DAB1: variants seen among roughly 807,000 people sequenced by gnomAD.
DAB1 encodes disabled homolog 1.
In DAB1, 15 loss-of-function variants were observed where a neutral mutation model predicts 64.6. The ratio of observed to expected loss-of-function variants is 0.23; its 90% CI spans 0.16 to 0.36. The LOEUF is 0.36. Among genes scored for constraint, DAB1 ranks in the 10% least tolerant of loss-of-function variants. The pLI is 1.00. For missense variants in DAB1, 596 were observed against 706.7 expected (o/e 0.84, Z 1.78); for synonymous variants, 235 against 251.9 (o/e 0.93, Z 0.64).
intron 1 of DAB1, among the ~76,000 whole-genome samples, chr1:57,351,836 C>T (rs911616311): frequency 6.6e-6 from 1 of 152,008 alleles, no homozygotes; most frequent in African/African-American, 2.4e-5. Context: ...ATAAAACACC[C>T]ACACATGTTT....
At chr1:57,156,737 A>G (rs1356444847) in intron 2 of DAB1, among the ~76,000 whole-genome samples, 1 of 152,244 alleles carries the variant, frequency 6.6e-6, no homozygotes, top group Non-Finnish European at 1.5e-5. Context: ...GCTTTATGCC[A>G]TTAGAGAAGA....
chr1:57,553,880 A>G (rs1644956619), intron 7 of DAB1, among the ~76,000 whole-genome samples: 1 of 151,986 alleles, frequency 6.6e-6, no homozygotes, highest in South Asian at 2.1e-4. Context: ...CCAGATGACA[A>G]GGTGTGAAGT....
At chr1:58,037,324 C>T (rs889516709) in intron 5 of DAB1, among the ~76,000 whole-genome samples, 1 of 152,048 alleles carries the variant, frequency 6.6e-6, no homozygotes, top group Non-Finnish European at 1.5e-5. Context: ...AGCTCTGAGG[C>T]GGGGTCTATG....
At chr1:57,712,934 C>A (rs1429820412) in intron 6 of DAB1, among the ~76,000 whole-genome samples, 2 of 152,130 alleles carry the variant, frequency 1.3e-5, no homozygotes, top group African/African-American at 4.8e-5. Context: ...TTGGTTATAT[C>A]AGGCATTCAT....
chr1:57,970,076 C>A (rs1028576453), intron 5 of DAB1, among the ~76,000 whole-genome samples: 3 of 152,110 alleles, frequency 2.0e-5, no homozygotes, highest in African/African-American at 4.8e-5. Context: ...AGAGAGAAGG[C>A]ACCGTCTATG....
intron 3 of DAB1, among the ~76,000 whole-genome samples, chr1:58,484,255 A>G (rs1467446459): frequency 1.3e-5 from 2 of 152,208 alleles, no homozygotes; most frequent in Non-Finnish European, 2.9e-5. Flanking sequence ...GCTTTTATAA[A>G]TTACCCTGCT....
intron 2 of DAB1, among the ~76,000 whole-genome samples, chr1:57,171,512 T>C (rs1405371233): frequency 1.3e-5 from 1 of 74,506 alleles, no homozygotes; most frequent in Admixed American, 1.2e-4. Context: ...TAAATAATGT[T>C]GTTTCAAAAT....
intron 4 of DAB1, among the ~76,000 whole-genome samples, chr1:57,124,320 G>T (rs1195172984): frequency 6.6e-6 from 1 of 152,138 alleles, no homozygotes. Flanking sequence ...ATATGAAAGA[G>T]TATGCGTGTC....
At chr1:58,509,410 AG>A (rs1646037781) in intron 2 of DAB1, among the ~76,000 whole-genome samples, 1 of 152,022 alleles carries the variant, frequency 6.6e-6, no homozygotes, top group East Asian at 1.9e-4. Flanking sequence ...CTATGGGTCA[AG>A]GAAAAAAAAA....
chr1:57,983,402 A>G (rs917851620), intron 5 of DAB1, among the ~76,000 whole-genome samples: 1 of 152,180 alleles, frequency 6.6e-6, no homozygotes, highest in Non-Finnish European at 1.5e-5. Context: ...AATCTGGCCA[A>G]CATTTTCTGG....
At chr1:57,085,958 C>G (rs1403860702) in intron 4 of DAB1, among the ~76,000 whole-genome samples, 1 of 152,118 alleles carries the variant, frequency 6.6e-6, no homozygotes, top group African/African-American at 2.4e-5. Context: ...TCAAGATGTT[C>G]TATCCAGAAG....
At chr1:57,789,454 T>TG (rs1650490690) in intron 6 of DAB1, among the ~76,000 whole-genome samples, 1 of 152,194 alleles carries the variant, frequency 6.6e-6, no homozygotes, top group African/African-American at 2.4e-5. Flanking sequence ...CCCACAGTTG[T>TG]GGAGGCTAGA....
chr1:58,379,793 T>C (rs2100546097), intron 3 of DAB1, among the ~76,000 whole-genome samples: 1 of 152,286 alleles, frequency 6.6e-6, no homozygotes, highest in South Asian at 2.1e-4. Flanking sequence ...AAACACGGTA[T>C]ATGGAAGTTA....
At chr1:58,294,050 C>T (rs1457363575) in intron 4 of DAB1, among the ~76,000 whole-genome samples, 1 of 152,132 alleles carries the variant, frequency 6.6e-6, no homozygotes, top group Non-Finnish European at 1.5e-5. Flanking sequence ...TTCTATTTCT[C>T]ACTCATGGCT....
intron 5 of DAB1, among the ~76,000 whole-genome samples, chr1:58,098,246 A>G (rs1651108251): frequency 6.6e-6 from 1 of 152,148 alleles, no homozygotes; most frequent in Admixed American, 6.6e-5. Context: ...ACACGAAGGG[A>G]GTTTAACAGA....
chr1:57,480,769 G>A (rs771766656), intron 7 of DAB1, among the ~76,000 whole-genome samples: 1 of 152,110 alleles, frequency 6.6e-6, no homozygotes, highest in Non-Finnish European at 1.5e-5. Context: ...ATAGGCATGA[G>A]CCACCATGCC....
intron 5 of DAB1, among the ~76,000 whole-genome samples, chr1:58,147,630 T>C (rs1459785487): frequency 6.6e-6 from 1 of 151,594 alleles, no homozygotes; most frequent in Non-Finnish European, 1.5e-5. Flanking sequence ...AAAAATAGTA[T>C]AGCCATTATG....
At chr1:57,544,892 G>A (rs973391380) in intron 7 of DAB1, among the ~76,000 whole-genome samples, 4 of 152,140 alleles carry the variant, frequency 2.6e-5, no homozygotes, top group South Asian at 2.1e-4. Context: ...CCCGCCATGC[G>A]GAACTGTGAG....
At chr1:58,137,664 G>C (rs1654024920) in intron 5 of DAB1, among the ~76,000 whole-genome samples, 1 of 152,106 alleles carries the variant, frequency 6.6e-6, no homozygotes, top group South Asian at 2.1e-4. Context: ...CCAGCCAAGT[G>C]TCTACTCCAA....
Sources: gnomAD v4.1 joint callset for allele counts (sites outside exome capture counted in the v4.1 genomes callset) on GRCh38, gnomAD v4.1.1 for gene constraint, MANE v1.5 for transcripts, NCBI Gene and HGNC (gene_info 2026-07-23, HGNC 2026-07-21) for gene names.